The following LINC00305 variants were observed in gnomAD, a reference collection of about 807,000 sequenced individuals.
LINC00305 encodes the protein long intergenic non-protein coding RNA 305.
At chr18:64,081,044 G>T (rs919610885) in intron 3 of LINC00305, among the ~76,000 whole-genome samples, 1 of 152,020 alleles carries the variant, frequency 6.6e-6, no homozygotes, top group Non-Finnish European at 1.5e-5. Context: ...TTGAAAATAG[G>T]GATAAACACA....
At chr18:64,096,537 C>G (rs184875304) in intron 3 of LINC00305, among the ~76,000 whole-genome samples, 1 of 151,748 alleles carries the variant, frequency 6.6e-6, no homozygotes, top group Admixed American at 6.6e-5. Flanking sequence ...GTATTAAAAT[C>G]CATTGAATAA....
At chr18:64,145,681 G>A (rs540033223) in intron 1 of LINC00305, among the ~76,000 whole-genome samples, 114 of 152,260 alleles carry the variant, frequency 7.5e-4, no homozygotes, top group African/African-American at 2.7e-3. Flanking sequence ...CTCCCAAAGT[G>A]CTGGGATTAC....
intron 3 of LINC00305, among the ~76,000 whole-genome samples, chr18:64,089,072 TAG>T (rs1445703519): frequency 6.6e-6 from 1 of 152,122 alleles, no homozygotes; most frequent in Non-Finnish European, 1.5e-5. Context: ...ATTCCAGAGA[TAG>T]AGACTGATAT....
chr18:64,093,580 T>G (rs916985213), intron 3 of LINC00305, among the ~76,000 whole-genome samples: 12 of 152,140 alleles, frequency 7.9e-5, no homozygotes, highest in Non-Finnish European at 1.5e-5. Context: ...ATGATCCACC[T>G]ACCTTGGCCT....
chr18:64,131,746 G>T (rs1200082737), intron 1 of LINC00305, among the ~76,000 whole-genome samples: 1 of 152,130 alleles, frequency 6.6e-6, no homozygotes, highest in South Asian at 2.1e-4. Context: ...AGCATCACTC[G>T]TTAGGGATTT....
intron 1 of LINC00305, among the ~76,000 whole-genome samples, chr18:64,143,721 C>T (rs1162650478): frequency 2.1e-4 from 31 of 150,434 alleles, no homozygotes; most frequent in African/African-American, 5.1e-4. Flanking sequence ...ACATATTATG[C>T]GTACATGTAT....
At chr18:64,125,333 C>T (rs1198122909) in intron 1 of LINC00305, among the ~76,000 whole-genome samples, 4 of 151,972 alleles carry the variant, frequency 2.6e-5, no homozygotes, top group Non-Finnish European at 5.9e-5. Context: ...AGTATCTTTT[C>T]CCCTCATCTT....
At chr18:64,082,658 C>T (rs146833321) in intron 3 of LINC00305, among the ~76,000 whole-genome samples, 4 of 152,298 alleles carry the variant, frequency 2.6e-5, no homozygotes, top group African/African-American at 9.6e-5. Flanking sequence ...CTATCCTCAG[C>T]CTAGTCCTCT....
intron 1 of LINC00305, among the ~76,000 whole-genome samples, chr18:64,145,722 G>C (rs911009115): frequency 6.6e-6 from 1 of 152,162 alleles, no homozygotes; most frequent in Non-Finnish European, 1.5e-5. Flanking sequence ...GGCCAGAACT[G>C]TACATTATCA....
chr18:64,119,492 T>C (rs2051352385), intron 1 of LINC00305, among the ~76,000 whole-genome samples: 1 of 152,174 alleles, frequency 6.6e-6, no homozygotes, highest in East Asian at 1.9e-4. Flanking sequence ...CTTAATGTTA[T>C]AGGACTAGAA....
In LINC00305 at chr18:64,091,837, G is replaced by T. The variant is rs150571826; in HGVS notation, n.540+5997C>A. Among the ~76,000 whole-genome samples, 15 of 152,280 alleles carry T rather than the reference G, an allele frequency of 9.9e-5. No homozygotes were observed. In the East Asian group the frequency reaches 2.9e-3, roughly 29 times the overall value. ...TGATTAATTTCCAAGTCCTGTTAAG[G>T]ATGTAAACACACACCTACACAGTTT... On this transcript the variant is annotated intron_variant and non_coding_transcript_variant, in intron 3 of 3. Transcript: ENST00000666468.
chr18:64,092,573 CA>C (rs2076449131), intron 3 of LINC00305, among the ~76,000 whole-genome samples: 1 of 152,060 alleles, frequency 6.6e-6, no homozygotes, highest in Non-Finnish European at 1.5e-5. Context: ...AACAAACAAA[CA>C]AAAAACATTT....
At chr18:64,139,760 G>T (rs2144276915) in intron 1 of LINC00305, among the ~76,000 whole-genome samples, 1 of 152,192 alleles carries the variant, frequency 6.6e-6, no homozygotes, top group Non-Finnish European at 1.5e-5. Flanking sequence ...ATGGCAGGAA[G>T]CGGTCGCAGG....
intron 3 of LINC00305, among the ~76,000 whole-genome samples, chr18:64,085,609 C>G (rs987035306): frequency 6.6e-6 from 1 of 152,046 alleles, no homozygotes; most frequent in Non-Finnish European, 1.5e-5. Context: ...ACTACAGGTG[C>G]ACAACTATGC....
chr18:64,114,096 C>T (rs749217768), intron 1 of LINC00305, among the ~76,000 whole-genome samples: 5 of 152,226 alleles, frequency 3.3e-5, no homozygotes, highest in South Asian at 2.1e-4. Context: ...GGTGAAACCC[C>T]GTCTCTACTG....
intron 1 of LINC00305, among the ~76,000 whole-genome samples, chr18:64,141,054 A>AT (rs2051460442): frequency 1.7e-5 from 1 of 58,892 alleles, no homozygotes; most frequent in Admixed American, 1.2e-4. Context: ...CTGAATGATA[A>AT]AAAAAAAAAA....
chr18:64,110,648 G>A (rs1331305478), intron 1 of LINC00305, among the ~76,000 whole-genome samples: 9 of 152,098 alleles, frequency 5.9e-5, no homozygotes, highest in Non-Finnish European at 8.8e-5. Flanking sequence ...AGCCTTGTCT[G>A]GATATTTACC....
chr18:64,127,016 A>C (rs979276301), intron 1 of LINC00305, among the ~76,000 whole-genome samples: 1 of 152,072 alleles, frequency 6.6e-6, no homozygotes, highest in African/African-American at 2.4e-5. Flanking sequence ...TGGTCTAGAA[A>C]ATTTTTTAAA....
chr18:64,123,479 C>T (rs1233985314), intron 1 of LINC00305, among the ~76,000 whole-genome samples: 1 of 152,000 alleles, frequency 6.6e-6, no homozygotes. Flanking sequence ...CTGAAAATGC[C>T]CAGTCTTTTT....
Sources: allele counts gnomAD v4.1 joint callset (sites outside exome capture counted in the v4.1 genomes callset), GRCh38; gene constraint gnomAD v4.1.1; transcripts MANE v1.5; gene names NCBI Gene and HGNC (gene_info 2026-07-23, HGNC 2026-07-21).